The following RFX7 variants were observed in gnomAD, a reference collection of about 807,000 sequenced individuals.
RFX7 encodes DNA-binding protein RFX7.
In RFX7, 26 loss-of-function variants were observed where a neutral mutation model predicts 111.8. The observed-to-expected ratio is 0.23, with a 90% CI of 0.17 to 0.32. RFX7 has a LOEUF of 0.32. RFX7 is among the 10% of genes least tolerant of loss of function. The pLI is 1.00. For synonymous variants in RFX7, 624 were observed against 624.4 expected, an observed-to-expected ratio of 1.00 and a Z score of 0.01; for missense variants, 1,573 against 1,772.9, an observed-to-expected ratio of 0.89 and a Z score of 2.02.
At chr15:56,111,434 A>T (rs1380061118) in intron 5 of RFX7, among the ~76,000 whole-genome samples, 1 of 151,414 alleles carries the variant, frequency 6.6e-6, no homozygotes, top group Non-Finnish European at 1.5e-5. Context: ...TTTGTTAAAC[A>T]GACGCTTGAA....
At chr15:56,097,316 A>C (rs1423041452) in intron 9 of RFX7, among the ~76,000 whole-genome samples, 5 of 152,220 alleles carry the variant, frequency 3.3e-5, no homozygotes. Flanking sequence ...TTAATAAACT[A>C]GCTAAAGAAC....
At chr15:56,239,716 A>G (rs1363825636) in intron 2 of RFX7, among the ~76,000 whole-genome samples, 1 of 152,138 alleles carries the variant, frequency 6.6e-6, no homozygotes, top group Non-Finnish European at 1.5e-5. Flanking sequence ...GGGATGATCA[A>G]CCTGTATCTA....
At chr15:56,142,936 AGCAATTCAT>A in intron 4 of RFX7, 36 bp from the exon 5 acceptor site, 1 of 1,609,528 alleles carries the variant, frequency 6.2e-7, no homozygotes, top group Non-Finnish European at 8.5e-7. Context: ...CTGACCAGAC[AGCAATTCAT>A]TAACGATTTT....
chr15:56,116,244 A>G (rs1349807083), intron 5 of RFX7, among the ~76,000 whole-genome samples: 1 of 152,246 alleles, frequency 6.6e-6, no homozygotes, highest in Non-Finnish European at 1.5e-5. Flanking sequence ...TGATGTAATC[A>G]TACCATTTCG....
chr15:56,171,018 G>A (rs1281209259), intron 3 of RFX7, among the ~76,000 whole-genome samples: 3 of 152,146 alleles, frequency 2.0e-5, no homozygotes, highest in Non-Finnish European at 2.9e-5. Context: ...TTATAAAGAC[G>A]ACTATGATGA....
intron 3 of RFX7, among the ~76,000 whole-genome samples, chr15:56,148,429 G>A (rs1449912809): frequency 2.0e-5 from 3 of 152,164 alleles, no homozygotes; most frequent in Admixed American, 6.5e-5. Flanking sequence ...AAAGCCTGTA[G>A]CAAACAATCA....
chr15:56,207,284 G>T (rs12591150), intron 2 of RFX7, among the ~76,000 whole-genome samples: 19,730 of 151,936 alleles, frequency 0.13, 1,643 homozygotes, highest in East Asian at 0.43. Flanking sequence ...AGGAGGAAAT[G>T]GGGGGGTATT....
intron 5 of RFX7, among the ~76,000 whole-genome samples, chr15:56,138,168 C>T (rs2141011108): frequency 7.8e-6 from 1 of 127,882 alleles, no homozygotes; most frequent in South Asian, 3.3e-4. Context: ...CCTGGGTATC[C>T]TTGTTGACTT....
At chr15:56,240,924 T>TATTTTACA (rs1346326634) in intron 2 of RFX7, among the ~76,000 whole-genome samples, 1 of 152,138 alleles carries the variant, frequency 6.6e-6, no homozygotes, top group Non-Finnish European at 1.5e-5. Context: ...TTGATATCTT[T>TATTTTACA]ATTTTACATA....
chr15:56,210,753 A>G (rs1461421933), intron 2 of RFX7, among the ~76,000 whole-genome samples: 2 of 152,148 alleles, frequency 1.3e-5, no homozygotes, highest in African/African-American at 4.8e-5. Flanking sequence ...CTTTAATTCA[A>G]ATGAAAACGC....
Position 56,103,558 on chromosome 15 carries a change from A to G in RFX7, c.514T>C (p.Ser172Pro). Residue 172 changes from serine to proline, a missense_variant, in exon 6 of 10, where the codon TCT becomes CCT. Coordinates refer to ENST00000559447, the MANE Select transcript of RFX7 (RefSeq NM_022841.7). The stretch of plus-strand genomic sequence containing the variant: ...CACCATTCTGGTAAAGGATATTTAG[A>G]TTTGCCTCTTGTGCCCAAACGACGT... ...KARRLGTRGK[S>P]KYCYSGLRKK... 6.3e-7 allele frequency: 1 copy of G among 1,596,840 alleles called. No homozygotes were observed. The highest frequency in any genetic ancestry group is 8.6e-7 in the Non-Finnish European group (1 of 1,169,018).
chr15:56,150,507 C>T (rs569830609), intron 3 of RFX7, among the ~76,000 whole-genome samples: 1 of 152,086 alleles, frequency 6.6e-6, no homozygotes, highest in Admixed American at 6.5e-5. Context: ...GCTGGTGATA[C>T]CCAGACAAAC....
At chr15:56,135,443 C>G (rs1454828618) in intron 5 of RFX7, among the ~76,000 whole-genome samples, 2 of 152,062 alleles carry the variant, frequency 1.3e-5, no homozygotes, top group Non-Finnish European at 2.9e-5. Flanking sequence ...ATGTCCTTCA[C>G]CCACTTTTTG....
At chr15:56,235,520 C>G (rs1261237289) in intron 2 of RFX7, among the ~76,000 whole-genome samples, 3 of 152,122 alleles carry the variant, frequency 2.0e-5, no homozygotes, top group Non-Finnish European at 4.4e-5. Flanking sequence ...AACACACAAA[C>G]CAAGTGCTCT....
rs910431436 is a variant in RFX7, at chr15:56,218,224, G to A, written c.161+24901C>T. Among the ~76,000 whole-genome samples the A allele has an allele frequency of 1.0e-4, 13 of 124,530 alleles. 1 individual carries two copies. Among genetic ancestry groups the A allele is most frequent in the Middle Eastern group, 6.8e-3 (1 of 148 alleles). 81.7% of individuals were successfully genotyped at this position (124,530 alleles called of 152,430 possible). On this transcript the variant is annotated intron_variant, in intron 2 of 9. Transcript: ENST00000559447. ...GGCTGGAGTGCAATGGCGCGTTCTC[G>A]GCTCACTGCAACCTCTGCCTCCCGG...
intron 3 of RFX7, among the ~76,000 whole-genome samples, chr15:56,164,525 A>T (rs1361652874): frequency 2.0e-5 from 3 of 152,206 alleles, no homozygotes; most frequent in African/African-American, 7.2e-5. Flanking sequence ...GGGAAATAAT[A>T]TCTATTGCAG....
At chr15:56,210,332 C>A (rs1463805311) in intron 2 of RFX7, among the ~76,000 whole-genome samples, 3 of 152,064 alleles carry the variant, frequency 2.0e-5, no homozygotes, top group Middle Eastern at 3.4e-3. Flanking sequence ...CAGAGAACTG[C>A]AAGGAGAAAC....
chr15:56,093,891 G>A lies in RFX7; in HGVS notation c.3837C>T (p.Ala1279=). ...CCAAAATCTGAGTGAGATTCATCCG[G>A]GCTGTATAATTAGAGGGCAGGTTGT... ...GMNNLPSNYT[A]RMNLTQILEP... The change falls in exon 10 of 10, where the codon GCC becomes GCT. Residue 1279 remains alanine, a synonymous_variant. Coordinates refer to ENST00000559447, the MANE Select transcript of RFX7 (RefSeq NM_022841.7). 1 of 1,613,916 alleles carries A rather than the reference G, an allele frequency of 6.2e-7. No individual in the cohort carries two copies. Among genetic ancestry groups the A allele is most frequent in the Non-Finnish European group, 8.5e-7 (1 of 1,179,874 alleles).
rs963547376 is a variant in RFX7 at position 56,167,096 on chromosome 15, T to C, written c.195+12174A>G. Among the ~76,000 whole-genome samples, 28 of 151,806 alleles carry C rather than the reference T, an allele frequency of 1.8e-4. 1 individual carries two copies. The highest frequency in any genetic ancestry group is 6.5e-4 in the African/African-American group (27 of 41,378). On this transcript the variant is annotated intron_variant, in intron 3 of 9. Coordinates refer to ENST00000559447, the MANE Select transcript of RFX7 (RefSeq NM_022841.7). ...CAGGAGGATCACTTGAGGCCAGGAGTTGATTCAAGACCAGCCTTGGCAACA... is the reference window on the plus strand; with the variant it reads ...CAGGAGGATCACTTGAGGCCAGGAGCTGATTCAAGACCAGCCTTGGCAACA...
Sources: gnomAD v4.1 joint callset for allele counts (sites outside exome capture counted in the v4.1 genomes callset) on GRCh38, gnomAD v4.1.1 for gene constraint, MANE v1.5 for transcripts, NCBI Gene and HGNC (gene_info 2026-07-23, HGNC 2026-07-21) for gene names.